LRRTM4: variants seen among roughly 807,000 people sequenced by gnomAD.
The protein encoded by LRRTM4 is leucine-rich repeat transmembrane neuronal protein 4.
Under a neutral mutation model 47.6 loss-of-function variants are expected in LRRTM4, and 25 were observed. The ratio of observed to expected loss-of-function variants is 0.53; its 90% CI spans 0.38 to 0.73. The LOEUF (loss-of-function observed/expected upper bound fraction) is 0.73, where lower values mean the gene tolerates loss of function less well. Among genes scored for constraint, LRRTM4 ranks in the 30% least tolerant of loss-of-function variants. LRRTM4 has a pLI of 0.00. For synonymous variants in LRRTM4, 311 were observed against 269.5 expected (o/e 1.15, Z -1.51); for missense variants, 638 against 713.4 (o/e 0.89, Z 1.20).
intron 3 of LRRTM4, among the ~76,000 whole-genome samples, chr2:77,287,382 CTTAAAAT>C (rs1245612341): frequency 6.6e-6 from 1 of 151,574 alleles, no homozygotes; most frequent in East Asian, 1.9e-4. Flanking sequence ...CATGCTTTAC[CTTAAAAT>C]TTAAAATATA....
intron 3 of LRRTM4, among the ~76,000 whole-genome samples, chr2:77,452,475 G>T (rs180919739): frequency 2.0e-5 from 3 of 152,130 alleles, no homozygotes; most frequent in African/African-American, 7.2e-5. Flanking sequence ...AAGAGGAAGC[G>T]CAGGACAGAA....
intron 3 of LRRTM4, among the ~76,000 whole-genome samples, chr2:76,889,871 T>G (rs1488770616): frequency 6.6e-6 from 1 of 151,830 alleles, no homozygotes; most frequent in African/African-American, 2.4e-5. Flanking sequence ...TGAGGTAGGA[T>G]GATTGCAAAA....
intron 3 of LRRTM4, among the ~76,000 whole-genome samples, chr2:76,941,704 G>A (rs1675148574): frequency 6.6e-6 from 1 of 152,078 alleles, no homozygotes; most frequent in South Asian, 2.1e-4. Context: ...TCTTTATCCA[G>A]TCTAACATTG....
intron 3 of LRRTM4, among the ~76,000 whole-genome samples, chr2:76,976,447 A>T (rs915332004): frequency 6.6e-6 from 1 of 151,750 alleles, no homozygotes. Context: ...GAATAATAAT[A>T]TTAGCCAATA....
intron 3 of LRRTM4, among the ~76,000 whole-genome samples, chr2:77,207,372 T>TATATATATATAC (rs59335400): frequency 8.4e-5 from 11 of 131,106 alleles, no homozygotes; most frequent in African/African-American, 3.6e-4. Context: ...TATATATATA[T>TATATATATATAC]ACACACACAC....
At chr2:76,987,796 G>A (rs1676855398) in intron 3 of LRRTM4, among the ~76,000 whole-genome samples, 1 of 151,650 alleles carries the variant, frequency 6.6e-6, no homozygotes, top group Non-Finnish European at 1.5e-5. Flanking sequence ...CACTTTGGAG[G>A]CCTGAAAAAG....
intron 3 of LRRTM4, among the ~76,000 whole-genome samples, chr2:76,974,455 C>G (rs1033240385): frequency 1.3e-5 from 2 of 150,818 alleles, no homozygotes; most frequent in African/African-American, 4.9e-5. Flanking sequence ...ACATATGGAA[C>G]ATTTTATAAT....
chr2:77,177,759 T>G (rs1326134822), intron 3 of LRRTM4, among the ~76,000 whole-genome samples: 1 of 152,228 alleles, frequency 6.6e-6, no homozygotes, highest in African/African-American at 2.4e-5. Context: ...TTGATTCTTT[T>G]CAGCTAAATT....
chr2:77,447,680 T>C (rs954237156), intron 3 of LRRTM4, among the ~76,000 whole-genome samples: 5 of 152,182 alleles, frequency 3.3e-5, no homozygotes, highest in Admixed American at 6.6e-5. Flanking sequence ...TTTTTGATGT[T>C]TGTCTTTTAA....
intron 3 of LRRTM4, among the ~76,000 whole-genome samples, chr2:76,962,359 T>C (rs1562342): frequency 0.053 from 7,967 of 151,194 alleles, 477 homozygotes; most frequent in East Asian, 0.14. Context: ...CTCACAATCT[T>C]AAGTAATTAC....
chr2:76,798,705 A>G (rs1204252372), intron 3 of LRRTM4, among the ~76,000 whole-genome samples: 3 of 151,146 alleles, frequency 2.0e-5, no homozygotes, highest in Admixed American at 6.6e-5. Flanking sequence ...GACCGCTAGC[A>G]AGACTAATAA....
At chr2:77,120,799 G>T (rs1208553321) in intron 3 of LRRTM4, among the ~76,000 whole-genome samples, 4 of 151,744 alleles carry the variant, frequency 2.6e-5, no homozygotes, top group East Asian at 1.9e-4. Flanking sequence ...GCCAAATATT[G>T]CATTCACTTC....
chr2:76,849,452 A>G (rs115036807), intron 3 of LRRTM4, among the ~76,000 whole-genome samples: 2,060 of 152,214 alleles, frequency 0.014, 24 homozygotes, highest in Non-Finnish European at 0.017. Context: ...TTGTGGGGGG[A>G]AAATTATATA....
intron 3 of LRRTM4, among the ~76,000 whole-genome samples, chr2:76,786,601 A>G (rs1231650038): frequency 1.3e-5 from 2 of 152,108 alleles, no homozygotes; most frequent in Non-Finnish European, 2.9e-5. Context: ...AGAAAACCAA[A>G]ACAAAGCTAA....
At chr2:77,506,009 A>G (rs1356423381) in intron 3 of LRRTM4, among the ~76,000 whole-genome samples, 1 of 151,624 alleles carries the variant, frequency 6.6e-6, no homozygotes, top group Non-Finnish European at 1.5e-5. Flanking sequence ...AAACCATGAC[A>G]TTTCTTTTTT....
intron 3 of LRRTM4, among the ~76,000 whole-genome samples, chr2:76,942,726 T>C (rs1314795375): frequency 7.2e-6 from 1 of 138,134 alleles, no homozygotes; most frequent in Non-Finnish European, 1.5e-5. Flanking sequence ...ACAAAGTAGA[T>C]ATACATTTTT....
intron 3 of LRRTM4, among the ~76,000 whole-genome samples, chr2:77,238,387 A>G (rs1675167337): frequency 6.6e-6 from 1 of 152,122 alleles, no homozygotes; most frequent in African/African-American, 2.4e-5. Flanking sequence ...CAAAAAATCA[A>G]AACAGAGTTT....
intron 3 of LRRTM4, among the ~76,000 whole-genome samples, chr2:77,510,937 C>T (rs1167584834): frequency 6.6e-6 from 1 of 151,970 alleles, no homozygotes; most frequent in African/African-American, 2.4e-5. Context: ...TTATTTACTT[C>T]CACTAGAAGA....
rs566699020 is a variant in LRRTM4 at position 77,108,741 on chromosome 2, G to A, written c.1552-359825C>T. Among the ~76,000 whole-genome samples the A allele has an allele frequency of 1.5e-4, 23 of 151,580 alleles. 1 individual carries two copies. In the East Asian group the frequency reaches 4.1e-3, roughly 27 times the overall value. On this transcript the variant is annotated intron_variant, in intron 3 of 3. Transcript: ENST00000409884. The stretch of plus-strand genomic sequence containing the variant: ...TGGGACTACAGGCGCCCGCCACCAC[G>A]CCCGGCTAATTTTTTGTATTTTTAG...
Sources: gnomAD v4.1 joint callset for allele counts (sites outside exome capture counted in the v4.1 genomes callset) on GRCh38, gnomAD v4.1.1 for gene constraint, MANE v1.5 for transcripts, NCBI Gene and HGNC (gene_info 2026-07-23, HGNC 2026-07-21) for gene names.